The following MTMR1 variants were observed in gnomAD, a reference collection of about 807,000 sequenced individuals.
The protein encoded by MTMR1 is phosphatidylinositol-3-phosphate phosphatase MTMR1.
In MTMR1, 17 loss-of-function variants were observed where a neutral mutation model predicts 51.6. The observed-to-expected ratio is 0.33, with a 90% CI of 0.23 to 0.49. MTMR1 has a LOEUF of 0.49. MTMR1 is among the 20% of genes least tolerant of loss of function. The pLI is 0.99. For missense variants in MTMR1, 386 were observed against 526.9 expected (o/e 0.73, Z 2.62); for synonymous variants, 201 against 205.6 (o/e 0.98, Z 0.19).
intron 12 of MTMR1, among the ~76,000 whole-genome samples, chrX:150,743,499 G>A (rs1235469115): frequency 1.8e-5 from 2 of 112,485 alleles, no homozygotes; most frequent in Non-Finnish European, 3.8e-5. Context: ...GTAATACACT[G>A]TTACTCTGAG....
chrX:150,723,709 T>C (rs1321607288), intron 4 of MTMR1, among the ~76,000 whole-genome samples: 1 of 111,957 alleles, frequency 8.9e-6, no homozygotes, highest in African/African-American at 3.3e-5. Context: ...AGATATTTTT[T>C]CTGATCCTCT....
In MTMR1 at chrX:150,764,197, T is replaced by C. The variant is rs2043224473; in HGVS notation, c.*1468T>C. 1 of 112,836 alleles carries C rather than the reference T, an allele frequency of 8.9e-6. No individual in the cohort carries two copies. Among genetic ancestry groups the C allele is most frequent in the Non-Finnish European group, 1.9e-5 (1 of 53,396 alleles). The allele number at this position is 112,836 out of a possible 1,213,427, so 9.3% of individuals were successfully genotyped here. On this transcript the variant is annotated 3_prime_UTR_variant, in exon 16 of 16. Coordinates refer to ENST00000445323, the MANE Select transcript of MTMR1 (RefSeq NM_001306144.3). ...CAGGCAAAGGCCTACAGATTGACCT[T>C]ATTATTTTTGAAAATATGTTAAGGG...
rs141009363 is a variant in MTMR1, at chrX:150,760,029, G to A, written c.1858-2536G>A. ...GGACCTCACAGGGGGTTGCTGAGCA[G>A]GAAGTGAATCCATTCCAAGTGCACT... On this transcript the variant is annotated intron_variant, in intron 15 of 15. Transcript: ENST00000445323. 9.3e-4 allele frequency among the ~76,000 whole-genome samples: 102 copies of A among 109,634 alleles called. 3 individuals are homozygous for A. The highest frequency in any genetic ancestry group is 2.9e-3 in the Admixed American group (30 of 10,353).
Position 150,730,619 on chromosome X carries a change from T to G in MTMR1, c.741+11T>G. 1.0e-6 allele frequency: 1 copy of G among 977,119 alleles called. No homozygotes were observed. The highest frequency in any genetic ancestry group is 1.4e-6 in the Non-Finnish European group (1 of 720,486). The allele number at this position is 977,119 out of a possible 1,213,427, so 80.5% of individuals were successfully genotyped here. A position where few individuals can be genotyped will look rare whatever the true frequency, so the allele number is the denominator to read the frequency against. ...GAATATAAGAGACAGGTAAAGTATA[T>G]TGCTTATCAAACTGAAAATAATAGG... On this transcript the variant is annotated intron_variant, in intron 8 of 15. Transcript: ENST00000445323.
At chrX:150,727,528 A>G (rs1228728483) in intron 5 of MTMR1, among the ~76,000 whole-genome samples, 156 bp from the exon 6 acceptor site, 5 of 112,324 alleles carry the variant, frequency 4.5e-5, no homozygotes, top group East Asian at 2.8e-4. Context: ...GTCTCAATAT[A>G]TATTTCACAA....
In MTMR1 at chrX:150,698,727, A is replaced by ACACACACACACAC. The variant is rs1557415824; in HGVS notation, c.147-468_147-467insCACACACACACAC. Among the ~76,000 whole-genome samples, 2 of 85,964 alleles carry ACACACACACACAC rather than the reference A, an allele frequency of 2.3e-5. 1 individual carries two copies. Among genetic ancestry groups the ACACACACACACAC allele is most frequent in the East Asian group, 8.9e-4 (2 of 2,236 alleles). The allele number at this position is 85,964 out of a possible 115,157, so 74.6% of individuals were successfully genotyped here. A position where few individuals can be genotyped will look rare whatever the true frequency, so the allele number is the denominator to read the frequency against. ...ACACACACACACACACACACACACA[A>ACACACACACACAC]AAGCCGGGCCTGGTGGCATGTGCCT... On this transcript the variant is annotated intron_variant, in intron 1 of 15. Transcript: ENST00000445323.
At position 150,730,519 on chromosome X, in the gene MTMR1, G is replaced by A; in HGVS notation, c.658-6G>A. On this transcript the variant is annotated splice_polypyrimidine_tract_variant and splice_region_variant and intron_variant, in intron 7 of 15. Transcript: ENST00000445323. ...AACATATGTGTTTTGTGGTTTTTGT[G>A]TCCAGGCACTATTTGCATTCAGCTA... 1 of 1,145,396 alleles carries A rather than the reference G, an allele frequency of 8.7e-7. No individual in the cohort carries two copies. Among genetic ancestry groups the A allele is most frequent in the Non-Finnish European group, 1.2e-6 (1 of 852,563 alleles). The allele number at this position is 1,145,396 out of a possible 1,213,427, so 94.4% of individuals were successfully genotyped here.
At chrX:150,719,631 T>C (rs1241215404) in intron 4 of MTMR1, among the ~76,000 whole-genome samples, 1 of 112,246 alleles carries the variant, frequency 8.9e-6, no homozygotes, top group Non-Finnish European at 1.9e-5. Flanking sequence ...GGTAATTATG[T>C]CATGCCCCTG....
rs1363994098 is a variant in MTMR1, at chrX:150,764,780, C to A, written c.*2051C>A. On this transcript the variant is annotated 3_prime_UTR_variant, in exon 16 of 16. Transcript: ENST00000445323. ...ACAACTTGAAGTATAGTTTTGTTAT[C>A]TAAGCAATTTTTGTTTTAAGTAAGT... The A allele has an allele frequency of 2.7e-5, 3 of 112,734 alleles. No homozygotes were observed. Among genetic ancestry groups the A allele is most frequent in the Non-Finnish European group, 5.6e-5 (3 of 53,331 alleles). The allele number at this position is 112,734 out of a possible 1,213,427, so 9.3% of individuals were successfully genotyped here.
intron 2 of MTMR1, among the ~76,000 whole-genome samples, chrX:150,701,888 C>A (rs2040920572): frequency 9.0e-6 from 1 of 111,049 alleles, no homozygotes; most frequent in Non-Finnish European, 1.9e-5. Flanking sequence ...GCTATTACTA[C>A]AATCATCATT....
intron 2 of MTMR1, among the ~76,000 whole-genome samples, chrX:150,705,912 T>TA (rs1389132238): frequency 8.9e-6 from 1 of 112,268 alleles, no homozygotes; most frequent in Non-Finnish European, 1.9e-5. Flanking sequence ...GGACCAAAAT[T>TA]AAAAACACAG....
intron 3 of MTMR1, among the ~76,000 whole-genome samples, chrX:150,716,501 A>T (rs1212240913): frequency 8.8e-6 from 1 of 113,020 alleles, no homozygotes; most frequent in African/African-American, 3.2e-5. Context: ...CTTCCAAAAA[A>T]TTTTGGCAGA....
intron 4 of MTMR1, among the ~76,000 whole-genome samples, chrX:150,719,773 G>A (rs948666383): frequency 8.9e-6 from 1 of 112,153 alleles, no homozygotes; most frequent in Admixed American, 9.4e-5. Context: ...GTAGGTGATT[G>A]ACAACTTTGC....
intron 10 of MTMR1, among the ~76,000 whole-genome samples, chrX:150,734,774 T>C (rs2042217130): frequency 8.9e-6 from 1 of 112,823 alleles, no homozygotes; most frequent in Non-Finnish European, 1.9e-5. Flanking sequence ...ATAATGTGAC[T>C]TCTTCCTTTA....
chrX:150,700,828 T>G (rs1398226553), intron 2 of MTMR1, among the ~76,000 whole-genome samples: 2 of 112,784 alleles, frequency 1.8e-5, no homozygotes, highest in African/African-American at 6.5e-5. Context: ...TTGTTAGTGT[T>G]GTGTGTGTCC....
Position 150,718,610 on chromosome X carries a change from T to TCCAGGC in MTMR1, c.277-15_277-14insCCAGGC. 1.6e-6 allele frequency: 1 copy of TCCAGGC among 612,148 alleles called. No individual in the cohort carries two copies. Among genetic ancestry groups the TCCAGGC allele is most frequent in the Non-Finnish European group, 2.2e-6 (1 of 453,334 alleles). The allele number at this position is 612,148 out of a possible 1,213,427, so 50.4% of individuals were successfully genotyped here. A position where few individuals can be genotyped will look rare whatever the true frequency, so the allele number is the denominator to read the frequency against. ...TTTTTTTTTTTTTTTTTTTTTTTTT[T>TCCAGGC]TTTTTTTTTGCCAGGCTCTAAGGGA... On this transcript the variant is annotated splice_polypyrimidine_tract_variant and intron_variant, in intron 3 of 15. Coordinates refer to ENST00000445323, the MANE Select transcript of MTMR1 (RefSeq NM_001306144.3).
At chrX:150,698,555 G>A (rs1038901129) in intron 1 of MTMR1, among the ~76,000 whole-genome samples, 1 of 110,033 alleles carries the variant, frequency 9.1e-6, no homozygotes, top group Non-Finnish European at 1.9e-5. Flanking sequence ...TATTTCTCCC[G>A]GCTGGGTGTG....
chrX:150,735,294 T>C (rs1187008684), intron 10 of MTMR1: 10 of 346,775 alleles, frequency 2.9e-5, no homozygotes, highest in Non-Finnish European at 4.0e-5. Flanking sequence ...AGGAAGCTAA[T>C]AAAACCTCCT....
At chrX:150,733,678 C>A (rs1048708868) in intron 10 of MTMR1, among the ~76,000 whole-genome samples, 5 of 111,267 alleles carry the variant, frequency 4.5e-5, no homozygotes, top group African/African-American at 1.6e-4. Context: ...CTCTCTGTGC[C>A]TCAGGTTCCT....
Sources: gnomAD v4.1 joint callset for allele counts (sites outside exome capture counted in the v4.1 genomes callset) on GRCh38, gnomAD v4.1.1 for gene constraint, MANE v1.5 for transcripts, NCBI Gene and HGNC (gene_info 2026-07-23, HGNC 2026-07-21) for gene names.